Variants in SLC3A2 observed in about 807,000 individuals in gnomAD.
The protein encoded by SLC3A2 is solute carrier family 3 member 2, also known as amino acid transporter heavy chain SLC3A2.
A neutral mutation model predicts 48.5 loss-of-function variants in SLC3A2; 32 were observed. That is an observed-to-expected ratio of 0.66 (90% CI 0.50 to 0.89). The LOEUF is 0.89. SLC3A2 is among the 40% of genes least tolerant of loss of function. SLC3A2 has a pLI of 0.00. For missense variants in SLC3A2, 587 were observed against 680.7 expected, an observed-to-expected ratio of 0.86 and a Z score of 1.53; for synonymous variants, 277 against 288.8, an observed-to-expected ratio of 0.96 and a Z score of 0.41.
At position 62,881,270 on chromosome 11, in the gene SLC3A2, G is replaced by T; in HGVS notation, c.247G>T (p.Ala83Ser). The T allele has an allele frequency of 6.3e-7, 1 of 1,588,170 alleles. No individual in the cohort carries two copies. The change falls in exon 1 of 9, where the codon GCA becomes TCA. Residue 83 changes from alanine to serine, a missense_variant. By Grantham distance (99) the Ala-to-Ser change is moderately conservative (BLOSUM62 1). Coordinates refer to ENST00000338663, the MANE Select transcript of SLC3A2 (RefSeq NM_001013251.3). The surrounding 1 kb of genome is among the most constrained non-coding windows in gnomAD (Gnocchi z 4.0). ...CCCCGGCTGGGTACGCACCCGCTGG[G>T]CACTGCTGCTGCTCTTCTGGCTCGG... is the stretch of plus-strand genomic sequence containing the variant. The part of the protein sequence containing the change: ...GSPGWVRTRW[A>S]LLLLFWLGWL...
At chr11:62,862,898 T>C (rs930344071) in intron 1 of SLC3A2, among the ~76,000 whole-genome samples, 1 of 152,194 alleles carries the variant, frequency 6.6e-6, no homozygotes, top group Non-Finnish European at 1.5e-5. Flanking sequence ...GTCAGGGAAC[T>C]GGCAGAGACG....
chr11:62,870,209 G>A (rs2085496659), intron 1 of SLC3A2, among the ~76,000 whole-genome samples: 1 of 148,788 alleles, frequency 6.7e-6, no homozygotes, highest in South Asian at 2.1e-4. Context: ...TTGAGACAGA[G>A]TCTCACTTTG....
intron 1 of SLC3A2, among the ~76,000 whole-genome samples, chr11:62,856,646 C>A (rs1008148752): frequency 3.3e-5 from 5 of 152,102 alleles, no homozygotes; most frequent in Admixed American, 2.6e-4. Context: ...GGATGACAAC[C>A]CCCATTTTAT....
intron 5 of SLC3A2, among the ~76,000 whole-genome samples, chr11:62,884,901 G>A (rs1459632671): frequency 8.3e-6 from 1 of 119,814 alleles, no homozygotes; most frequent in African/African-American, 3.2e-5. Flanking sequence ...GCGTGATCTT[G>A]GCTCACTGCA....
chr11:62,865,194 C>T (rs1339554870), intron 1 of SLC3A2, among the ~76,000 whole-genome samples: 2 of 152,120 alleles, frequency 1.3e-5, no homozygotes, highest in Admixed American at 1.3e-4. Flanking sequence ...CTGGCAGAAC[C>T]GTTACAGTTT....
At chr11:62,861,413 C>T (rs1401791604) in intron 1 of SLC3A2, among the ~76,000 whole-genome samples, 1 of 152,106 alleles carries the variant, frequency 6.6e-6, no homozygotes, top group Non-Finnish European at 1.5e-5. Context: ...CATGGGCCAC[C>T]GTGCCCAGCT....
Position 62,881,615 on chromosome 11 carries a change from T to G in SLC3A2, c.424+168T>G. On this transcript the variant is annotated intron_variant, in intron 1 of 8. Coordinates refer to ENST00000338663, the MANE Select transcript of SLC3A2 (RefSeq NM_001013251.3). This position sits in a 1 kb window ranked among gnomAD's most constrained non-coding sequence, Gnocchi z 4.0. ...CCCCGGCACATTGTCCTTCCCTCCT[T>G]TCTTTGAAGAAAGCCGACCCGCCCC... 1 of 1,069,350 alleles carries G rather than the reference T, an allele frequency of 9.4e-7. No homozygotes were observed. Among genetic ancestry groups the G allele is most frequent in the Non-Finnish European group, 1.3e-6 (1 of 768,354 alleles). The allele number at this position is 1,069,350 out of a possible 1,614,324, so 66.2% of individuals were successfully genotyped here. A position where few individuals can be genotyped will look rare whatever the true frequency, so the allele number is the denominator to read the frequency against.
rs1373684949 is a variant in SLC3A2, at chr11:62,881,307, T to G, written c.284T>G (p.Met95Arg). ...CTCTTCTGGCTCGGCTGGCTCGGCATGCTTGCTGGTGCCGTGGTCATAATC... is the reference window on the plus strand; with the variant it reads ...CTCTTCTGGCTCGGCTGGCTCGGCAGGCTTGCTGGTGCCGTGGTCATAATC... ...LLLFWLGWLG[M>R]LAGAVVIIVR... Residue 95 changes from methionine to arginine, a missense_variant, in exon 1 of 9, where the codon ATG becomes AGG. Met to Arg is a moderately conservative substitution (Grantham distance 91, BLOSUM62 -1). This residue lies in a region of SLC3A2 where 409 missense variants were observed against 446.7 expected (regional missense o/e 0.92). Transcript: ENST00000338663. This position sits in a 1 kb window ranked among gnomAD's most constrained non-coding sequence, Gnocchi z 4.0. 1 of 1,577,616 alleles carries G rather than the reference T, an allele frequency of 6.3e-7. No individual in the cohort carries two copies.
In SLC3A2 at chr11:62,881,831, A is replaced by C; in HGVS notation, c.425-62A>C. 5 of 1,547,562 alleles carry C rather than the reference A, an allele frequency of 3.2e-6. No individual in the cohort carries two copies. Among genetic ancestry groups the C allele is most frequent in the Non-Finnish European group, 4.4e-6 (5 of 1,131,494 alleles). Reference sequence around the variant, plus strand: ...CCACCCTTAGGCGCTGGGAGAAGGGAGGGTGGGGAGGTCAGGGGCCTCTCA... The same window carrying C: ...CCACCCTTAGGCGCTGGGAGAAGGGCGGGTGGGGAGGTCAGGGGCCTCTCA... On this transcript the variant is annotated intron_variant, in intron 1 of 8. Transcript: ENST00000338663. This position sits in a 1 kb window ranked among gnomAD's most constrained non-coding sequence, Gnocchi z 4.0.
chr11:62,887,311 TGA>T, intron 7 of SLC3A2, among the ~76,000 whole-genome samples: 1 of 151,856 alleles, frequency 6.6e-6, no homozygotes, highest in South Asian at 2.1e-4. Flanking sequence ...CTGAGGGAAG[TGA>T]GAGAGCTGGC....
At chr11:62,886,337 A>G (rs1016510949) in intron 7 of SLC3A2, 2 of 151,824 alleles carry the variant, frequency 1.3e-5, no homozygotes, top group African/African-American at 4.8e-5. Context: ...TGGTAGGGAT[A>G]CTACTACAAA....
At chr11:62,877,302 C>A (rs2085580910), upstream of SLC3A2, among the ~76,000 whole-genome samples, 1 of 152,190 alleles carries the variant, frequency 6.6e-6, no homozygotes, top group Non-Finnish European at 1.5e-5. Context: ...CTCAATTGAT[C>A]TGCCTGCCTT....
chr11:62,875,531 A>G (rs996410605), intron 1 of SLC3A2, among the ~76,000 whole-genome samples: 9 of 152,020 alleles, frequency 5.9e-5, no homozygotes, highest in African/African-American at 1.7e-4. Context: ...GCGAGACTTC[A>G]TCTCAAAAAA....
intron 7 of SLC3A2, among the ~76,000 whole-genome samples, chr11:62,887,177 C>T (rs1025354343): frequency 1.4e-4 from 21 of 152,212 alleles, no homozygotes; most frequent in African/African-American, 3.9e-4. Flanking sequence ...ATAAATAAAA[C>T]GCCAGCTGCT....
chr11:62,856,778 TG>T (rs1263628347), intron 1 of SLC3A2, among the ~76,000 whole-genome samples: 1 of 152,142 alleles, frequency 6.6e-6, no homozygotes, highest in East Asian at 1.9e-4. Context: ...CAGTCGTTTG[TG>T]GTAAACATCT....
chr11:62,866,685 G>A (rs1469334558), intron 1 of SLC3A2, among the ~76,000 whole-genome samples: 1 of 152,092 alleles, frequency 6.6e-6, no homozygotes, highest in African/African-American at 2.4e-5. Context: ...GTGAGCCACC[G>A]CATCTGGCCC....
At chr11:62,885,861 C>T (rs1181160978) in intron 7 of SLC3A2, among the ~76,000 whole-genome samples, 1 of 152,146 alleles carries the variant, frequency 6.6e-6, no homozygotes, top group Admixed American at 6.5e-5. Context: ...ATGCCTGGTA[C>T]CTGGCAGATG....
rs747057109 is a variant in SLC3A2 at position 62,881,877 on chromosome 11, C to T, written c.425-16C>T. 1 of 1,612,480 alleles carries T rather than the reference C, an allele frequency of 6.2e-7. No individual in the cohort carries two copies. Among genetic ancestry groups the T allele is most frequent in the South Asian group, 1.1e-5 (1 of 91,044 alleles). On this transcript the variant is annotated splice_polypyrimidine_tract_variant and intron_variant, in intron 1 of 8. Transcript: ENST00000338663. The surrounding 1 kb of genome is among the most constrained non-coding windows in gnomAD (Gnocchi z 4.0). Reference sequence around the variant, plus strand: ...TCTCAGAGGGGCCTCACTTGTTAACCCAGCCCCCATTTCAGGTCTGAAGGG... The same window carrying T: ...TCTCAGAGGGGCCTCACTTGTTAACTCAGCCCCCATTTCAGGTCTGAAGGG...
intron 1 of SLC3A2, among the ~76,000 whole-genome samples, chr11:62,857,810 A>G (rs1280217546): frequency 6.6e-6 from 1 of 151,882 alleles, no homozygotes; most frequent in Non-Finnish European, 1.5e-5. Context: ...GCAGTCGGGA[A>G]ATGCTTTATA....
Sources: gnomAD v4.1 joint callset for allele counts (sites outside exome capture counted in the v4.1 genomes callset) on GRCh38, gnomAD v4.1.1 for gene constraint, gnomAD v4.1.1 regional missense constraint, Gnocchi (gnomAD v3.1) non-coding constraint, MANE v1.5 for transcripts, NCBI Gene and HGNC (gene_info 2026-07-23, HGNC 2026-07-21) for gene names.